The following TMEFF2 variants were observed in gnomAD, a reference collection of about 807,000 sequenced individuals.
TMEFF2 encodes the protein tomoregulin-2.
A neutral mutation model predicts 53.8 loss-of-function variants in TMEFF2; 28 were observed. That is an observed-to-expected ratio of 0.52 (90% CI 0.39 to 0.71). TMEFF2 has a LOEUF of 0.71. Ranked by LOEUF, TMEFF2 falls within the 30% of genes least tolerant of loss-of-function variation. The probability of loss-of-function intolerance (pLI) is 0.00; values close to 1 mark genes in which losing one functional copy is unlikely to be tolerated. For missense variants in TMEFF2, 353 were observed against 455.2 expected (o/e 0.78, Z 2.04); for synonymous variants, 162 against 166.3 (o/e 0.97, Z 0.20).
At chr2:192,095,593 A>G (rs1688885075) in intron 4 of TMEFF2, among the ~76,000 whole-genome samples, 1 of 152,206 alleles carries the variant, frequency 6.6e-6, no homozygotes, top group South Asian at 2.1e-4. Context: ...TAAAGAAACA[A>G]CAACAACACA....
chr2:192,075,312 T>TAAATATATATATATATAAATATAA (rs1688399279), intron 4 of TMEFF2, among the ~76,000 whole-genome samples: 2 of 105,778 alleles, frequency 1.9e-5, no homozygotes, highest in Non-Finnish European at 3.6e-5. Flanking sequence ...TATATATATA[T>TAAATATATATATATATAAATATAA]ATATATATAT....
At chr2:192,091,398 T>C (rs1688787402) in intron 4 of TMEFF2, among the ~76,000 whole-genome samples, 1 of 152,050 alleles carries the variant, frequency 6.6e-6, no homozygotes, top group Admixed American at 6.6e-5. Flanking sequence ...CTAACTCCCC[T>C]TTACATTCCC....
chr2:192,134,729 G>C (rs1196858889), intron 4 of TMEFF2, among the ~76,000 whole-genome samples: 1 of 152,100 alleles, frequency 6.6e-6, no homozygotes, highest in African/African-American at 2.4e-5. Context: ...GATAAGTAGA[G>C]GCCTTTCCTA....
chr2:192,090,483 T>C (rs563634045), intron 4 of TMEFF2, among the ~76,000 whole-genome samples: 2 of 152,278 alleles, frequency 1.3e-5, no homozygotes, highest in South Asian at 4.1e-4. Flanking sequence ...AGCAATCTAT[T>C]ATCATAATAA....
intron 4 of TMEFF2, among the ~76,000 whole-genome samples, chr2:192,067,297 G>T (rs115441215): frequency 1.3e-3 from 199 of 151,916 alleles, no homozygotes; most frequent in African/African-American, 4.5e-3. Flanking sequence ...GAGGGGTAGT[G>T]GTTGGTCTTA....
chr2:191,954,665 CA>C (rs1377507234), intron 8 of TMEFF2, among the ~76,000 whole-genome samples: 11 of 151,698 alleles, frequency 7.3e-5, no homozygotes, highest in Admixed American at 5.9e-4. Flanking sequence ...ATTTTCTGGT[CA>C]AAAAAATCAT....
chr2:192,138,007 T>C (rs1690052155), intron 4 of TMEFF2, among the ~76,000 whole-genome samples: 1 of 151,954 alleles, frequency 6.6e-6, no homozygotes, highest in Non-Finnish European at 1.5e-5. Flanking sequence ...TTAGTAGAAA[T>C]GGGGTTTCAG....
intron 5 of TMEFF2, among the ~76,000 whole-genome samples, chr2:192,040,835 A>G (rs1213738630): frequency 3.3e-5 from 5 of 152,198 alleles, no homozygotes; most frequent in Non-Finnish European, 7.3e-5. Flanking sequence ...TACAGGGTCA[A>G]TTGATTTCAA....
At position 192,047,335 on chromosome 2, in the gene TMEFF2, A is replaced by G. The variant is rs115713641; in HGVS notation, c.536+10344T>C. On this transcript the variant is annotated intron_variant, in intron 5 of 9. Coordinates refer to ENST00000272771, the MANE Select transcript of TMEFF2 (RefSeq NM_016192.4). ...TTCCAAACTGTTGTGCACTTCTCCC[A>G]GATAAACATCTCCTAATATCTGCTT... is the stretch of plus-strand genomic sequence containing the variant. Among the ~76,000 whole-genome samples, 421 of 152,290 alleles carry G rather than the reference A, an allele frequency of 2.8e-3. 2 individuals carry two copies. Among genetic ancestry groups the G allele is most frequent in the African/African-American group, 9.7e-3 (403 of 41,554 alleles).
chr2:192,040,950 C>T (rs1205402812), intron 5 of TMEFF2, among the ~76,000 whole-genome samples: 2 of 152,282 alleles, frequency 1.3e-5, no homozygotes, highest in Non-Finnish European at 2.9e-5. Flanking sequence ...ACCCCTTCCT[C>T]ACTCCATCTG....
intron 4 of TMEFF2, 40 bp from the exon 5 acceptor site, chr2:192,057,815 G>A (rs776349216): frequency 6.7e-7 from 1 of 1,491,934 alleles, no homozygotes; most frequent in Non-Finnish European, 9.4e-7. Flanking sequence ...TCAGGTAATT[G>A]TGCATTATAT....
chr2:192,132,892 A>G (rs1324036406), intron 4 of TMEFF2, among the ~76,000 whole-genome samples: 1 of 152,152 alleles, frequency 6.6e-6, no homozygotes, highest in Non-Finnish European at 1.5e-5. Flanking sequence ...CTGAAGACTG[A>G]CGCTGCCTGA....
chr2:191,953,981 G>A (rs945965644), intron 8 of TMEFF2, 144 bp from the exon 9 acceptor site: 28 of 639,978 alleles, frequency 4.4e-5, no homozygotes, highest in Non-Finnish European at 6.0e-5. Context: ...TTCCGCCTCC[G>A]GGTTCACGCC....
rs144246685 is a variant in TMEFF2, at chr2:192,091,688, G to GT, written c.440-33914dup. Among the ~76,000 whole-genome samples, 1,364 of 148,584 alleles carry GT rather than the reference G, an allele frequency of 9.2e-3. 16 individuals are homozygous for GT. Among genetic ancestry groups the GT allele is most frequent in the African/African-American group, 0.031 (1,280 of 40,706 alleles). ...CGTCACTTTATGGGCAGTAAGATTA[G>GT]TTTTTTTTTTCAAGTGCAATTTATC... is the stretch of plus-strand genomic sequence containing the variant. On this transcript the variant is annotated intron_variant, in intron 4 of 9. Transcript: ENST00000272771.
chr2:191,964,366 T>TTC (rs1382198990), intron 7 of TMEFF2, among the ~76,000 whole-genome samples: 1,972 of 88,818 alleles, frequency 0.022, 61 homozygotes, highest in South Asian at 0.026. Flanking sequence ...CTTTCTTTCT[T>TTC]TCTTTCTCTT....
intron 7 of TMEFF2, among the ~76,000 whole-genome samples, chr2:191,959,796 T>C (rs1220308925): frequency 6.6e-6 from 1 of 152,204 alleles, no homozygotes; most frequent in Non-Finnish European, 1.5e-5. Flanking sequence ...GAGAATGTTT[T>C]CCTTTGGACA....
intron 5 of TMEFF2, among the ~76,000 whole-genome samples, chr2:192,038,524 A>G (rs979361502): frequency 1.3e-5 from 2 of 151,170 alleles, no homozygotes; most frequent in African/African-American, 4.9e-5. Flanking sequence ...TTCTTTTTTT[A>G]TTTATTTTTT....
chr2:191,956,599 A>G (rs1362116784), intron 7 of TMEFF2, among the ~76,000 whole-genome samples: 2 of 152,236 alleles, frequency 1.3e-5, no homozygotes, highest in African/African-American at 2.4e-5. Flanking sequence ...TTATGCTTTC[A>G]TGCAATTTCC....
rs1690830401 is a variant in TMEFF2, at chr2:192,168,652, ATTG to A, written c.439+11013_439+11015del. Among the ~76,000 whole-genome samples the A allele has an allele frequency of 2.6e-5, 4 of 151,942 alleles. No individual in the cohort carries two copies. In the South Asian group the frequency reaches 8.3e-4, roughly 32 times the overall value. The stretch of plus-strand genomic sequence containing the variant: ...CCTCCTGGCATGCCATTATTTTTTT[ATTG>A]TTGTTGCTGGTTTTCAGTCATCTTT... On this transcript the variant is annotated intron_variant, in intron 4 of 9. Transcript: ENST00000272771.
Sources: gnomAD v4.1 joint callset for allele counts (sites outside exome capture counted in the v4.1 genomes callset) on GRCh38, gnomAD v4.1.1 for gene constraint, MANE v1.5 for transcripts, NCBI Gene and HGNC (gene_info 2026-07-23, HGNC 2026-07-21) for gene names.